Variants in EPHA3 observed in about 807,000 individuals in gnomAD.
The protein encoded by EPHA3 is ephrin type-A receptor 3.
In EPHA3, 42 loss-of-function variants were observed where a neutral mutation model predicts 107.1. That is an observed-to-expected ratio of 0.39 (90% CI 0.31 to 0.51). The LOEUF is 0.51. EPHA3 is among the 20% of genes least tolerant of loss of function. The probability of loss-of-function intolerance (pLI) is 0.78; values close to 1 mark genes in which losing one functional copy is unlikely to be tolerated. For synonymous variants in EPHA3, 461 were observed against 424.8 expected (o/e 1.09, Z -1.05); for missense variants, 1,183 against 1,211.2 (o/e 0.98, Z 0.35).
chr3:89,445,873 C>A (rs1007435345), intron 13 of EPHA3, among the ~76,000 whole-genome samples: 16 of 152,006 alleles, frequency 1.1e-4, no homozygotes, highest in Non-Finnish European at 1.8e-4. Context: ...AGCTAAGAGC[C>A]AGAATATTTT....
intron 13 of EPHA3, among the ~76,000 whole-genome samples, chr3:89,435,213 G>A (rs1358980797): frequency 2.6e-5 from 4 of 151,694 alleles, no homozygotes; most frequent in Non-Finnish European, 5.9e-5. Flanking sequence ...TTCTCTTTTG[G>A]AATTATATTT....
intron 3 of EPHA3, among the ~76,000 whole-genome samples, chr3:89,334,145 A>G (rs1156427946): frequency 6.6e-6 from 1 of 152,286 alleles, no homozygotes; most frequent in East Asian, 1.9e-4. Context: ...TAGTTTTATT[A>G]TGTTATTGGT....
intron 5 of EPHA3, among the ~76,000 whole-genome samples, chr3:89,383,833 A>C (rs2107488763): frequency 6.6e-6 from 1 of 151,712 alleles, no homozygotes; most frequent in Non-Finnish European, 1.5e-5. Context: ...TATTTTTAGT[A>C]GAGATGGGGT....
chr3:89,116,694 T>C (rs559750131), intron 1 of EPHA3, among the ~76,000 whole-genome samples: 2 of 148,774 alleles, frequency 1.3e-5, no homozygotes, highest in Non-Finnish European at 3.0e-5. Flanking sequence ...CAGCTTTTAG[T>C]ATCTTGCTGT....
chr3:89,453,440 A>AT (rs779972317), intron 15 of EPHA3, among the ~76,000 whole-genome samples: 2 of 152,014 alleles, frequency 1.3e-5, no homozygotes, highest in African/African-American at 2.4e-5. Flanking sequence ...TTTCTTATAT[A>AT]TTTTTCTTTA....
At chr3:89,285,950 G>A (rs953950368) in intron 3 of EPHA3, among the ~76,000 whole-genome samples, 3 of 152,072 alleles carry the variant, frequency 2.0e-5, no homozygotes, top group Admixed American at 1.3e-4. Flanking sequence ...AGGTGATCAG[G>A]CAATCATGAT....
At chr3:89,211,702 CT>C (rs1482859696) in intron 3 of EPHA3, among the ~76,000 whole-genome samples, 4 of 150,946 alleles carry the variant, frequency 2.6e-5, no homozygotes, top group Admixed American at 2.0e-4. Flanking sequence ...CCCCCTCCCC[CT>C]CTTCCTCTTC....
chr3:89,292,539 T>C (rs1000088903), intron 3 of EPHA3, among the ~76,000 whole-genome samples: 2 of 152,184 alleles, frequency 1.3e-5, no homozygotes, highest in Non-Finnish European at 2.9e-5. Context: ...CATACCTTTA[T>C]TGAATAAAAT....
At chr3:89,455,645 A>T (rs976908579) in intron 15 of EPHA3, among the ~76,000 whole-genome samples, 2 of 152,210 alleles carry the variant, frequency 1.3e-5, no homozygotes, top group Non-Finnish European at 2.9e-5. Context: ...TGCCACCTTC[A>T]TCTAAACAAT....
chr3:89,118,374 A>G (rs1707303402), intron 1 of EPHA3, among the ~76,000 whole-genome samples: 1 of 151,918 alleles, frequency 6.6e-6, no homozygotes. Flanking sequence ...CTTATCTTTC[A>G]AAGTGATGTT....
chr3:89,450,422 A>C (rs186286296), intron 15 of EPHA3, 52 bp downstream of exon 15: 1 of 1,557,920 alleles, frequency 6.4e-7, no homozygotes, highest in Admixed American at 1.8e-5. Flanking sequence ...TGTGTTTGCT[A>C]TCTCCAAGAT....
chr3:89,472,010 G>T (rs1031702652), intron 15 of EPHA3, among the ~76,000 whole-genome samples: 1 of 151,920 alleles, frequency 6.6e-6, no homozygotes, highest in Non-Finnish European at 1.5e-5. Context: ...CCATTCTTTA[G>T]ACAGCAACCT....
chr3:89,223,113 T>C (rs1171866934), intron 3 of EPHA3, among the ~76,000 whole-genome samples: 1 of 152,186 alleles, frequency 6.6e-6, no homozygotes, highest in Non-Finnish European at 1.5e-5. Flanking sequence ...CCAGGGGCTT[T>C]CATTGTTTAT....
intron 2 of EPHA3, among the ~76,000 whole-genome samples, chr3:89,166,345 C>G (rs1705064581): frequency 6.6e-6 from 1 of 152,028 alleles, no homozygotes; most frequent in Non-Finnish European, 1.5e-5. Flanking sequence ...AGCACATATA[C>G]TATCTTTTGA....
At chr3:89,380,317 G>T (rs1708477151) in intron 5 of EPHA3, among the ~76,000 whole-genome samples, 1 of 152,156 alleles carries the variant, frequency 6.6e-6, no homozygotes, top group Non-Finnish European at 1.5e-5. Context: ...ATTTATGTGA[G>T]AATGAAGTTA....
At chr3:89,167,367 A>G (rs1409157019) in intron 2 of EPHA3, among the ~76,000 whole-genome samples, 4 of 152,116 alleles carry the variant, frequency 2.6e-5, no homozygotes, top group African/African-American at 9.6e-5. Context: ...AATATTTTCT[A>G]TTCTTTCAAT....
intron 15 of EPHA3, among the ~76,000 whole-genome samples, chr3:89,459,109 T>C (rs1485889466): frequency 2.0e-5 from 3 of 152,160 alleles, no homozygotes; most frequent in Non-Finnish European, 4.4e-5. Flanking sequence ...GATGTGTTGA[T>C]AGGTGCAGCA....
At chr3:89,325,889 TTTTC>T (rs1355096116) in intron 3 of EPHA3, among the ~76,000 whole-genome samples, 3 of 151,402 alleles carry the variant, frequency 2.0e-5, no homozygotes, top group Non-Finnish European at 4.4e-5. Flanking sequence ...TTTTGTGATA[TTTTC>T]TTTAATATAA....
intron 3 of EPHA3, among the ~76,000 whole-genome samples, chr3:89,279,849 A>T (rs1705896754): frequency 6.6e-6 from 1 of 152,200 alleles, no homozygotes; most frequent in Non-Finnish European, 1.5e-5. Flanking sequence ...TATATGCTGC[A>T]TTGGGAAAAG....
Sources: allele counts gnomAD v4.1 joint callset (sites outside exome capture counted in the v4.1 genomes callset), GRCh38; gene constraint gnomAD v4.1.1; transcripts MANE v1.5; gene names NCBI Gene and HGNC (gene_info 2026-07-23, HGNC 2026-07-21).